Variants in MEF2C observed in about 807,000 individuals in gnomAD.
The protein encoded by MEF2C is myocyte enhancer factor 2C.
A neutral mutation model predicts 50.5 loss-of-function variants in MEF2C; 6 were observed. That is an observed-to-expected ratio of 0.12 (90% confidence interval 0.07 to 0.23). The LOEUF is 0.23. Ranked by LOEUF, MEF2C falls within the 10% of genes least tolerant of loss-of-function variation. MEF2C has a pLI of 1.00. For missense variants in MEF2C, 276 were observed against 605.0 expected, an observed-to-expected ratio of 0.46 and a Z score of 5.70; for synonymous variants, 183 against 228.0, an observed-to-expected ratio of 0.80 and a Z score of 1.78.
chr5:88,735,023 T>G (rs1763524913), intron 6 of MEF2C: 5 of 985,284 alleles, frequency 5.1e-6, no homozygotes, highest in Admixed American at 6.2e-5. Flanking sequence ...CATTTCTGTT[T>G]CCAGCCACCA....
rs1183768490 is a variant in MEF2C, at chr5:88,869,272, TATATAC to T, written c.-143+13677_-143+13682del. On this transcript the variant is annotated intron_variant, in intron 1 of 10. Transcript: ENST00000504921. ...GTTTTCATATATATATATATATATA[TATATAC>T]ATATATATATATATATACACATATA... 1.9e-3 allele frequency among the ~76,000 whole-genome samples: 96 copies of T among 50,272 alleles called. 1 individual carries two copies. Among genetic ancestry groups the T allele is most frequent in the African/African-American group, 5.0e-3 (41 of 8,160 alleles). The allele number at this position is 50,272 out of a possible 152,430, so 33.0% of individuals were successfully genotyped here. A position where few individuals can be genotyped will look rare whatever the true frequency, so the allele number is the denominator to read the frequency against.
At chr5:88,818,178 A>T (rs924818271) in intron 2 of MEF2C, among the ~76,000 whole-genome samples, 1 of 152,022 alleles carries the variant, frequency 6.6e-6, no homozygotes, top group Non-Finnish European at 1.5e-5. Context: ...TACATTATAC[A>T]TATTAAAACA....
At chr5:88,844,012 A>C (rs1818418465) in intron 1 of MEF2C, among the ~76,000 whole-genome samples, 1 of 152,046 alleles carries the variant, frequency 6.6e-6, no homozygotes, top group Non-Finnish European at 1.5e-5. Flanking sequence ...GGGTTTCACC[A>C]TGTTGGCCAT....
intron 2 of MEF2C, among the ~76,000 whole-genome samples, chr5:88,808,902 A>C (rs1326189559): frequency 6.6e-6 from 1 of 152,100 alleles, no homozygotes; most frequent in Non-Finnish European, 1.5e-5. Flanking sequence ...GGACAAGTCC[A>C]TATTTCTTTT....
At chr5:88,748,019 G>A (rs1012789213) in intron 6 of MEF2C, 18 of 974,258 alleles carry the variant, frequency 1.8e-5, no homozygotes, top group Non-Finnish European at 2.2e-5. Context: ...TAGGAAGCTA[G>A]TGTTATTCAT....
chr5:88,792,865 C>T (rs772327827), intron 3 of MEF2C, among the ~76,000 whole-genome samples: 5 of 152,152 alleles, frequency 3.3e-5, no homozygotes, highest in Admixed American at 6.6e-5. Context: ...TTCATTGGAA[C>T]TGTAAAAACA....
At chr5:88,812,339 T>C (rs1161148960) in intron 2 of MEF2C, among the ~76,000 whole-genome samples, 2 of 152,170 alleles carry the variant, frequency 1.3e-5, no homozygotes, top group Non-Finnish European at 2.9e-5. Flanking sequence ...TTTTTTGTAA[T>C]CCAAAATGAA....
chr5:88,801,256 A>T (rs565884157), intron 3 of MEF2C, among the ~76,000 whole-genome samples: 1 of 152,318 alleles, frequency 6.6e-6, no homozygotes, highest in East Asian at 1.9e-4. Context: ...CCTTCATGAA[A>T]CATATTATGC....
chr5:88,770,452 T>C (rs1299819352), intron 3 of MEF2C, among the ~76,000 whole-genome samples: 1 of 152,246 alleles, frequency 6.6e-6, no homozygotes, highest in Non-Finnish European at 1.5e-5. Flanking sequence ...GCTTATATCC[T>C]ACATCTTTGC....
At position 88,858,656 on chromosome 5, in the gene MEF2C, A is replaced by G. The variant is rs1010291853; in HGVS notation, c.-143+24299T>C. The stretch of plus-strand genomic sequence containing the variant: ...TCACTTACATGCACACATCCTTGTC[A>G]GTTTCCTAATCCTGGATCAGTTAGT... On this transcript the variant is annotated intron_variant, in intron 1 of 10. Transcript: ENST00000504921. Among the ~76,000 whole-genome samples, 6 of 152,194 alleles carry G rather than the reference A, an allele frequency of 3.9e-5. No homozygotes were observed. The East Asian group carries it at 1.2e-3, about 29-fold the overall frequency.
At chr5:88,807,220 T>C (rs1482344785) in intron 2 of MEF2C, among the ~76,000 whole-genome samples, 1 of 152,154 alleles carries the variant, frequency 6.6e-6, no homozygotes, top group Non-Finnish European at 1.5e-5. Flanking sequence ...ACTTAACAAC[T>C]TCTCTTTTGT....
chr5:88,753,288 T>C (rs1288268186), intron 4 of MEF2C, among the ~76,000 whole-genome samples: 1 of 152,254 alleles, frequency 6.6e-6, no homozygotes, highest in East Asian at 1.9e-4. Flanking sequence ...TTTTCTTCCA[T>C]GTTCTGGACA....
chr5:88,844,266 T>C lies in MEF2C; in HGVS notation c.-142-20336A>G, dbSNP rs1818516733. ...ATTTCTGTTGAGGAAATCAAGGCAT[T>C]GAAAAAATGCACAACTTGTCCAACT... On this transcript the variant is annotated intron_variant, in intron 1 of 10. Transcript: ENST00000504921. Among the ~76,000 whole-genome samples, 4 of 152,158 alleles carry C rather than the reference T, an allele frequency of 2.6e-5. No individual in the cohort carries two copies. The South Asian group carries it at 8.3e-4, about 31-fold the overall frequency.
chr5:88,756,691 C>T (rs988045781), intron 4 of MEF2C, among the ~76,000 whole-genome samples: 2 of 152,116 alleles, frequency 1.3e-5, no homozygotes, highest in African/African-American at 2.4e-5. Context: ...AATGCAAATG[C>T]TATAATCACA....
intron 1 of MEF2C, among the ~76,000 whole-genome samples, chr5:88,842,931 C>CT (rs1298572698): frequency 6.6e-6 from 1 of 152,100 alleles, no homozygotes; most frequent in Admixed American, 6.6e-5. Context: ...AGTGAAATGT[C>CT]TGGACTGGAG....
At chr5:88,844,365 A>C (rs1818552690) in intron 1 of MEF2C, among the ~76,000 whole-genome samples, 1 of 152,232 alleles carries the variant, frequency 6.6e-6, no homozygotes, top group Admixed American at 6.5e-5. Context: ...GTTCTCAAAA[A>C]GGCCTAAGGA....
upstream of MEF2C, chr5:88,887,417 G>A (rs916577002): frequency 6.6e-6 from 1 of 152,158 alleles, no homozygotes; most frequent in Non-Finnish European, 1.5e-5. Context: ...CGTCTATTCT[G>A]TAAATACCTA....
chr5:88,788,287 G>A (rs1308557721), intron 3 of MEF2C, among the ~76,000 whole-genome samples: 4 of 151,998 alleles, frequency 2.6e-5, no homozygotes, highest in Admixed American at 6.6e-5. Flanking sequence ...TGCAACCTCC[G>A]CCTCCCGGGC....
chr5:88,779,774 T>TTTA (rs1554126978), intron 3 of MEF2C, among the ~76,000 whole-genome samples: 159 of 151,774 alleles, frequency 1.0e-3, no homozygotes, highest in South Asian at 5.8e-3. Context: ...TTTTTTTTTT[T>TTTA]ATGTTACAAT....
Sources: allele counts gnomAD v4.1 joint callset (sites outside exome capture counted in the v4.1 genomes callset), GRCh38; gene constraint gnomAD v4.1.1; transcripts MANE v1.5; gene names NCBI Gene and HGNC (gene_info 2026-07-23, HGNC 2026-07-21).